The following ENPP6 variants were observed in gnomAD, a reference collection of about 807,000 sequenced individuals.
ENPP6 encodes the protein glycerophosphocholine cholinephosphodiesterase ENPP6.
In ENPP6, 32 loss-of-function variants were observed where a neutral mutation model predicts 42.0. The ratio of observed to expected loss-of-function variants is 0.76; its 90% CI spans 0.58 to 1.02. The LOEUF (loss-of-function observed/expected upper bound fraction) is 1.02. Ranked by LOEUF, ENPP6 falls within the 50% of genes least tolerant of loss-of-function variation. The pLI, the probability that ENPP6 is intolerant of heterozygous loss-of-function variation, is 0.00. For synonymous variants in ENPP6, 213 were observed against 216.0 expected (o/e 0.99, Z 0.12); for missense variants, 552 against 566.8 (o/e 0.97, Z 0.27).
At chr4:184,099,477 AGG>A (rs758961745) in intron 6 of ENPP6, among the ~76,000 whole-genome samples, 31 of 152,148 alleles carry the variant, frequency 2.0e-4, no homozygotes, top group Non-Finnish European at 3.5e-4. Context: ...GACACACAAT[AGG>A]TGTTCAATAG....
At chr4:184,183,040 C>T (rs1732580882) in intron 1 of ENPP6, among the ~76,000 whole-genome samples, 1 of 152,178 alleles carries the variant, frequency 6.6e-6, no homozygotes, top group East Asian at 1.9e-4. Context: ...AATCTCATCT[C>T]TTTCCAACAA....
chr4:184,168,199 A>T (rs11936198), intron 1 of ENPP6, among the ~76,000 whole-genome samples: 3,378 of 152,216 alleles, frequency 0.022, 132 homozygotes, highest in African/African-American at 0.077. Context: ...CCTCCTCTGA[A>T]AAATGGAGAT....
intron 1 of ENPP6, among the ~76,000 whole-genome samples, chr4:184,154,245 T>C (rs1191609613): frequency 6.6e-6 from 1 of 152,082 alleles, no homozygotes; most frequent in Non-Finnish European, 1.5e-5. Flanking sequence ...TAGCGAAAAA[T>C]AGATTCAACT....
intron 1 of ENPP6, among the ~76,000 whole-genome samples, chr4:184,192,312 C>A (rs556632650): frequency 6.6e-6 from 1 of 152,064 alleles, no homozygotes; most frequent in East Asian, 1.9e-4. Flanking sequence ...AAATTGAGAG[C>A]CCAAGAATAA....
At chr4:184,194,231 T>C (rs565335076) in intron 1 of ENPP6, among the ~76,000 whole-genome samples, 30 of 152,290 alleles carry the variant, frequency 2.0e-4, no homozygotes, top group Admixed American at 3.3e-4. Flanking sequence ...AGTGTGAGAA[T>C]ATAAACGATT....
chr4:184,167,728 G>A (rs1737375373), intron 1 of ENPP6, among the ~76,000 whole-genome samples: 3 of 152,180 alleles, frequency 2.0e-5, no homozygotes, highest in African/African-American at 7.2e-5. Context: ...GGCCAGGTGC[G>A]CCCATAGAGA....
At chr4:184,215,612 T>G (rs976533006) in intron 1 of ENPP6, among the ~76,000 whole-genome samples, 1 of 152,162 alleles carries the variant, frequency 6.6e-6, no homozygotes, top group South Asian at 2.1e-4. Context: ...TACAGAAACA[T>G]GAGCCTTGCT....
At chr4:184,122,175 C>T (rs893682906) in intron 3 of ENPP6, among the ~76,000 whole-genome samples, 7 of 152,190 alleles carry the variant, frequency 4.6e-5, no homozygotes, top group African/African-American at 1.4e-4. Flanking sequence ...CCGACCCAGG[C>T]CTTCACTGCT....
intron 2 of ENPP6, among the ~76,000 whole-genome samples, chr4:184,135,830 G>A (rs114975432): frequency 2.0e-5 from 3 of 152,228 alleles, no homozygotes; most frequent in African/African-American, 7.2e-5. Flanking sequence ...TCACCCAAGG[G>A]TGAATACTGT....
At chr4:184,107,535 G>A (rs1208934551) in intron 6 of ENPP6, among the ~76,000 whole-genome samples, 5 of 152,134 alleles carry the variant, frequency 3.3e-5, no homozygotes, top group African/African-American at 1.2e-4. Flanking sequence ...CCAGCACTTT[G>A]GGAGGCTGAG....
chr4:184,115,379 A>G (rs1408263779), intron 5 of ENPP6, among the ~76,000 whole-genome samples: 1 of 152,230 alleles, frequency 6.6e-6, no homozygotes, highest in Non-Finnish European at 1.5e-5. Flanking sequence ...AGCCAGCAGA[A>G]GGTGCCACTT....
rs1579654258 is a variant in ENPP6, at chr4:184,184,589, T to A, written c.242-30856A>T. Among the ~76,000 whole-genome samples the A allele has an allele frequency of 6.6e-6, 1 of 151,978 alleles. No homozygotes were observed. Reference sequence around the variant, plus strand: ...GAAGTGACCTCATTTGGAAGAAGGGTCTTAGCAGATGTCACTAAGTTAAGG... The same window carrying A: ...GAAGTGACCTCATTTGGAAGAAGGGACTTAGCAGATGTCACTAAGTTAAGG... On this transcript the variant is annotated intron_variant, in intron 1 of 7. Coordinates refer to ENST00000296741, the MANE Select transcript of ENPP6 (RefSeq NM_153343.4). This position sits in a 1 kb window ranked among gnomAD's most constrained non-coding sequence, Gnocchi z 4.7.
rs74487912 is a variant in ENPP6, at chr4:184,113,613, C to A, written c.856-804G>T. On this transcript the variant is annotated intron_variant, in intron 5 of 7. Coordinates refer to ENST00000296741, the MANE Select transcript of ENPP6 (RefSeq NM_153343.4). ...ATTAAAGGGAAAGTAAGAAATTGGT[C>A]TACCTGATATTAAATATTGCAAAGA... Among the ~76,000 whole-genome samples the A allele has an allele frequency of 5.5e-3, 831 of 152,282 alleles. 6 individuals carry two copies. The highest frequency in any genetic ancestry group is 8.1e-3 in the Non-Finnish European group (552 of 68,024).
At chr4:184,110,975 G>A (rs925641254) in intron 6 of ENPP6, among the ~76,000 whole-genome samples, 1 of 152,118 alleles carries the variant, frequency 6.6e-6, no homozygotes, top group Admixed American at 6.5e-5. Context: ...AGAGGACTCA[G>A]GGCTGAAGCT....
Position 184,162,567 on chromosome 4 carries a change from G to A in ENPP6, c.242-8834C>T, listed in dbSNP as rs71622943. ...AGGGAAGAAGGAAGGAAAGAAGGAA[G>A]GAAGGAAGAAAGGAAGGAAGAGAGG... On this transcript the variant is annotated intron_variant, in intron 1 of 7. Transcript: ENST00000296741. 1.0e-3 allele frequency among the ~76,000 whole-genome samples: 66 copies of A among 64,838 alleles called. No individual in the cohort carries two copies. The East Asian group carries it at 0.011, about 11-fold the overall frequency. The allele number at this position is 64,838 out of a possible 152,430, so 42.5% of individuals were successfully genotyped here.
At chr4:184,166,222 T>C (rs1462758950) in intron 1 of ENPP6, among the ~76,000 whole-genome samples, 1 of 152,230 alleles carries the variant, frequency 6.6e-6, no homozygotes, top group Admixed American at 6.5e-5. Flanking sequence ...CTGATGTATG[T>C]GCCAGACACA....
intron 2 of ENPP6, among the ~76,000 whole-genome samples, chr4:184,151,828 C>T (rs969879562): frequency 3.9e-5 from 6 of 152,224 alleles, no homozygotes; most frequent in African/African-American, 1.4e-4. Context: ...CTGGATTTGG[C>T]TCCTCTAGCA....
chr4:184,142,249 C>T (rs540633452), intron 2 of ENPP6, among the ~76,000 whole-genome samples: 1 of 152,220 alleles, frequency 6.6e-6, no homozygotes, highest in Non-Finnish European at 1.5e-5. Context: ...CTGCTGCCTG[C>T]CAACTTTGAC....
Position 184,097,302 on chromosome 4 carries a change from G to A in ENPP6, c.1060C>T (p.His354Tyr), listed in dbSNP as rs1039769978. ...GRREGWQRGW[H>Y]GYDNELMDMR... ...TCCATGAGCTCGTTGTCGTAGCCGT[G>A]CCATCCACGCTGCCAACCTTCCCGC... Residue 354 changes from histidine to tyrosine, a missense_variant, in exon 7 of 8, where the codon CAC (histidine) becomes TAC (tyrosine). By Grantham distance (83) the His-to-Tyr change is moderately conservative. This residue lies in a region of ENPP6 where 545 missense variants were observed against 546.3 expected (regional missense o/e 1.00). Coordinates refer to ENST00000296741, the MANE Select transcript of ENPP6 (RefSeq NM_153343.4). 3 of 1,614,090 alleles carry A rather than the reference G, an allele frequency of 1.9e-6. No individual in the cohort carries two copies. Among genetic ancestry groups the A allele is most frequent in the Admixed American group, 1.7e-5 (1 of 60,006 alleles).
Sources: allele counts gnomAD v4.1 joint callset (sites outside exome capture counted in the v4.1 genomes callset), GRCh38; gene constraint gnomAD v4.1.1; regional missense constraint gnomAD v4.1.1; non-coding constraint Gnocchi (gnomAD v3.1); transcripts MANE v1.5; gene names NCBI Gene and HGNC (gene_info 2026-07-23, HGNC 2026-07-21).